The following FOXP2 variants were observed in gnomAD, a reference collection of about 807,000 sequenced individuals.
FOXP2 encodes forkhead box P2, also known as forkhead box protein P2.
FOXP2 carries 12 observed loss-of-function variants against 115.8 expected under a neutral mutation model. The observed-to-expected ratio is 0.10, with a 90% confidence interval of 0.07 to 0.17. The LOEUF is 0.17. Ranked by LOEUF, FOXP2 falls within the 10% of genes least tolerant of loss-of-function variation. FOXP2 has a pLI of 1.00. For synonymous variants in FOXP2, 328 were observed against 297.7 expected, an observed-to-expected ratio of 1.10 and a Z score of -1.05; for missense variants, 629 against 843.5, an observed-to-expected ratio of 0.75 and a Z score of 3.15.
At chr7:114,646,297 A>G (rs1805887236) in intron 8 of FOXP2, among the ~76,000 whole-genome samples, 3 of 151,996 alleles carry the variant, frequency 2.0e-5, no homozygotes, top group Admixed American at 2.0e-4. Flanking sequence ...TTCTGACAAA[A>G]TTCAAAATAA....
chr7:114,260,772 A>G (rs1205628480), intron 1 of FOXP2, among the ~76,000 whole-genome samples: 2 of 152,216 alleles, frequency 1.3e-5, no homozygotes, highest in African/African-American at 4.8e-5. Context: ...CATCTTTTAA[A>G]TAAATTATCA....
rs1386349478 is a variant in FOXP2 at position 114,691,151 on chromosome 7, T to G, written c.*1225T>G. 2.2e-6 allele frequency: 1 copy of G among 454,042 alleles called. No individual in the cohort carries two copies. Among genetic ancestry groups the G allele is most frequent in the East Asian group, 6.9e-5 (1 of 14,394 alleles). 28.1% of individuals were successfully genotyped at this position (454,042 alleles called of 1,614,324 possible). On this transcript the variant is annotated 3_prime_UTR_variant, in exon 17 of 17. Transcript: ENST00000350908. ...ATTGTTATATATATAGTACTTTGTG[T>G]TTTTGTTTTCCCTCATTCAGTCAGT...
chr7:114,204,903 G>C (rs1794160994), intron 1 of FOXP2, among the ~76,000 whole-genome samples: 1 of 111,118 alleles, frequency 9.0e-6, no homozygotes. Context: ...GTTGGCTGTT[G>C]GTTGTGTGTG....
Position 114,340,192 on chromosome 7 carries a change from C to T in FOXP2, c.-11+52083C>T, listed in dbSNP as rs937414265. On this transcript the variant is annotated intron_variant, in intron 2 of 17. Coordinates refer to the FOXP2 transcript ENST00000634411. ...AGAAACCATGTGATAGTGATTTCTT[C>T]TGATCCCACAATGCTGTTTTATATA... 2.6e-5 allele frequency among the ~76,000 whole-genome samples: 4 copies of T among 151,124 alleles called. No individual in the cohort carries two copies. In the South Asian group the frequency reaches 8.3e-4, roughly 31 times the overall value.
chr7:114,644,639 T>G, intron 7 of FOXP2, 46 bp from the exon 8 acceptor site: 1 of 1,522,764 alleles, frequency 6.6e-7, no homozygotes, highest in Non-Finnish European at 9.1e-7. Flanking sequence ...CCTGCAACGA[T>G]TATAGCTTTT....
In FOXP2 at chr7:114,176,298, T is replaced by TTCTTTCTTTCTTTCTTTCTTTC. The variant is rs368923204; in HGVS notation, c.-102+13213_-102+13214insTTCTTTCTTTCTTTCTTTCTCT. 2.8e-3 allele frequency among the ~76,000 whole-genome samples: 214 copies of TTCTTTCTTTCTTTCTTTCTTTC among 76,544 alleles called. 2 individuals carry two copies. Among genetic ancestry groups the TTCTTTCTTTCTTTCTTTCTTTC allele is most frequent in the Middle Eastern group, 0.019 (3 of 160 alleles). 50.2% of individuals were successfully genotyped at this position (76,544 alleles called of 152,430 possible). ...TTTCTTTCTTTCTTTCTTTCTTTCT[T>TTCTTTCTTTCTTTCTTTCTTTC]TCTCTCTCTCTCTCTCTCTCTCTTT... On this transcript the variant is annotated intron_variant, in intron 1 of 17. Coordinates refer to the FOXP2 transcript ENST00000634411.
At chr7:114,252,202 T>A (rs921185176) in intron 1 of FOXP2, among the ~76,000 whole-genome samples, 6 of 152,140 alleles carry the variant, frequency 3.9e-5, no homozygotes, top group Non-Finnish European at 8.8e-5. Context: ...CCAGTATTTT[T>A]TTTGAGGATT....
intron 1 of FOXP2, among the ~76,000 whole-genome samples, chr7:114,181,332 C>G (rs918305366): frequency 3.3e-5 from 5 of 151,324 alleles, no homozygotes; most frequent in African/African-American, 1.2e-4. Flanking sequence ...TATAAGCTGT[C>G]TCTAACCTAA....
intron 1 of FOXP2, among the ~76,000 whole-genome samples, chr7:114,103,319 C>G (rs1467063600): frequency 2.0e-5 from 3 of 152,084 alleles, no homozygotes; most frequent in Non-Finnish European, 4.4e-5. Context: ...CACCAGGGCT[C>G]TCAAGCAGCC....
At chr7:114,331,640 A>G (rs1044164252) in intron 2 of FOXP2, among the ~76,000 whole-genome samples, 1 of 151,548 alleles carries the variant, frequency 6.6e-6, no homozygotes, top group Non-Finnish European at 1.5e-5. Flanking sequence ...TAAGTGCATG[A>G]AGTCCTTTTC....
chr7:114,634,055 C>T (rs960469847), intron 6 of FOXP2, among the ~76,000 whole-genome samples: 2 of 151,492 alleles, frequency 1.3e-5, no homozygotes, highest in Admixed American at 6.6e-5. Flanking sequence ...AGTGCAGTGA[C>T]GCTAACTTAG....
At chr7:114,165,405 T>C (rs1190564216) in intron 1 of FOXP2, among the ~76,000 whole-genome samples, 1 of 152,120 alleles carries the variant, frequency 6.6e-6, no homozygotes, top group African/African-American at 2.4e-5. Flanking sequence ...CAACATAAAC[T>C]CCTGAAACTA....
intron 8 of FOXP2, among the ~76,000 whole-genome samples, chr7:114,651,989 A>T (rs1343001012): frequency 6.6e-6 from 1 of 152,154 alleles, no homozygotes; most frequent in East Asian, 1.9e-4. Context: ...AGAGACAGTG[A>T]CATTTTCTGC....
chr7:114,227,059 G>A (rs73439579), intron 1 of FOXP2, among the ~76,000 whole-genome samples: 1,809 of 152,164 alleles, frequency 0.012, 43 homozygotes, highest in African/African-American at 0.041. Context: ...TACTAAACTA[G>A]TGTTCAGGTT....
intron 1 of FOXP2, among the ~76,000 whole-genome samples, chr7:114,239,692 A>G (rs1355096806): frequency 1.3e-5 from 2 of 152,226 alleles, no homozygotes; most frequent in African/African-American, 4.8e-5. Flanking sequence ...GTTAAAAGAT[A>G]ACATGTTACC....
At chr7:114,111,613 C>T (rs939795184) in intron 1 of FOXP2, among the ~76,000 whole-genome samples, 1 of 152,042 alleles carries the variant, frequency 6.6e-6, no homozygotes, top group Non-Finnish European at 1.5e-5. Context: ...GCTTTGGTCA[C>T]ATTTTTGCTA....
chr7:114,444,006 C>CCACAA (rs760531377), intron 2 of FOXP2, among the ~76,000 whole-genome samples: 34 of 152,096 alleles, frequency 2.2e-4, no homozygotes, highest in Non-Finnish European at 4.3e-4. Context: ...AAACTGCTTT[C>CCACAA]CACAATGGCT....
At chr7:114,253,815 G>T (rs1052245987) in intron 1 of FOXP2, among the ~76,000 whole-genome samples, 2 of 152,188 alleles carry the variant, frequency 1.3e-5, no homozygotes, top group Non-Finnish European at 2.9e-5. Flanking sequence ...ATTGTTATGT[G>T]TGAATTTGAT....
intron 1 of FOXP2, among the ~76,000 whole-genome samples, chr7:114,279,854 G>C (rs74719904): frequency 0.041 from 6,227 of 151,948 alleles, 312 homozygotes; most frequent in African/African-American, 0.12. Context: ...GAAGATCAGA[G>C]GCAGGAGGGG....
Sources: gnomAD v4.1 joint callset for allele counts (sites outside exome capture counted in the v4.1 genomes callset) on GRCh38, gnomAD v4.1.1 for gene constraint, MANE v1.5 for transcripts, NCBI Gene and HGNC (gene_info 2026-07-23, HGNC 2026-07-21) for gene names.